Variants in LAMA1 observed in about 807,000 individuals in gnomAD.
LAMA1 encodes the protein laminin subunit alpha 1.
In LAMA1, 219 loss-of-function variants were observed where a neutral mutation model predicts 348.7. The ratio of observed to expected loss-of-function variants is 0.63; its 90% CI spans 0.56 to 0.70. The LOEUF (loss-of-function observed/expected upper bound fraction) is 0.70. Among genes scored for constraint, LAMA1 ranks in the 30% least tolerant of loss-of-function variants. The probability of loss-of-function intolerance (pLI) is 0.00; values close to 1 mark genes in which losing one functional copy is unlikely to be tolerated. For synonymous variants in LAMA1, 1,487 were observed against 1,491.0 expected (o/e 1.00, Z 0.06); for missense variants, 3,744 against 3,888.0 (o/e 0.96, Z 0.99).
intron 60 of LAMA1, among the ~76,000 whole-genome samples, chr18:6,947,773 A>T (rs1157769328): frequency 1.3e-5 from 2 of 152,120 alleles, no homozygotes; most frequent in Non-Finnish European, 2.9e-5. Flanking sequence ...TGCTTTTTTA[A>T]TTCAGGTGAT....
At chr18:7,052,736 T>C (rs541676488) in intron 3 of LAMA1, among the ~76,000 whole-genome samples, 1 of 127,578 alleles carries the variant, frequency 7.8e-6, no homozygotes, top group African/African-American at 3.0e-5. Context: ...AAAAAATAAA[T>C]AGATAGACTG....
At chr18:7,072,036 C>T (rs1483056809) in intron 3 of LAMA1, among the ~76,000 whole-genome samples, 3 of 152,106 alleles carry the variant, frequency 2.0e-5, no homozygotes, top group Non-Finnish European at 4.4e-5. Context: ...GCGATTGTTA[C>T]AGAGCGAAGA....
rs775801304 is a variant in LAMA1, at chr18:7,023,228, G to A, written c.2637C>T (p.Gly879=). The change falls in exon 19 of 63, where the codon GGC becomes GGT. Residue 879 remains glycine, a synonymous_variant. Transcript: ENST00000389658. ...CGTCAGCACACCTTTCACAGTGGGCGCCATCTGTGTTCCCCAGGCACTTCA... is the reference window on the plus strand; with the variant it reads ...CGTCAGCACACCTTTCACAGTGGGCACCATCTGTGTTCCCCAGGCACTTCA... ...ECLKCLGNTD[G]AHCERCADGF... The A allele has an allele frequency of 5.0e-6, 8 of 1,613,670 alleles. No homozygotes were observed. The highest frequency in any genetic ancestry group is 1.7e-4 in the Middle Eastern group (1 of 5,876).
chr18:7,036,225 A>G (rs1291910257), intron 12 of LAMA1, 137 bp from the exon 13 acceptor site: 2 of 717,128 alleles, frequency 2.8e-6, no homozygotes, highest in African/African-American at 3.5e-5. Flanking sequence ...AGACAAGGAA[A>G]TTCACATTAA....
chr18:7,025,631 T>C (rs2057939042), intron 17 of LAMA1, among the ~76,000 whole-genome samples: 1 of 152,196 alleles, frequency 6.6e-6, no homozygotes, highest in South Asian at 2.1e-4. Context: ...AAAAACTCCC[T>C]AAGTCGAGGG....
intron 15 of LAMA1, 59 bp downstream of exon 15, chr18:7,032,925 G>T: frequency 1.6e-6 from 2 of 1,249,160 alleles, no homozygotes; most frequent in Non-Finnish European, 2.3e-6. Flanking sequence ...CCCCTTCAGT[G>T]CACTGTTTTC....
chr18:7,113,294 CA>C (rs774247624), intron 1 of LAMA1, among the ~76,000 whole-genome samples: 1 of 152,218 alleles, frequency 6.6e-6, no homozygotes, highest in Non-Finnish European at 1.5e-5. Context: ...TAGTTAGCTA[CA>C]AATAGGTGCA....
At position 7,012,989 on chromosome 18, in the gene LAMA1, G is replaced by A. The variant is rs971315680; in HGVS notation, c.3363+826C>T. On this transcript the variant is annotated intron_variant, in intron 23 of 62. Coordinates refer to ENST00000389658, the MANE Select transcript of LAMA1 (RefSeq NM_005559.4). ...AGCCTGGCCAATATGGTGAAACCCC[G>A]TCTCTACCAAAAATACAAAAATTTA... Among the ~76,000 whole-genome samples, 4 of 151,674 alleles carry A rather than the reference G, an allele frequency of 2.6e-5. No individual in the cohort carries two copies. In the South Asian group the frequency reaches 6.3e-4, roughly 24 times the overall value.
chr18:7,011,124 G>A lies in LAMA1; in HGVS notation c.3687+176C>T, dbSNP rs375033370. 1.6e-4 allele frequency among the ~76,000 whole-genome samples: 25 copies of A among 152,238 alleles called. No homozygotes were observed. The East Asian group carries it at 3.5e-3, about 21-fold the overall frequency. ...TTTTAAAATTAATGAAAAATTTTAA[G>A]GAACCATATATTTGAGGAGACTTTT... On this transcript the variant is annotated intron_variant, in intron 25 of 62. Transcript: ENST00000389658.
At chr18:6,943,527 A>G in intron 61 of LAMA1, 125 bp from the exon 62 acceptor site, 1 of 820,814 alleles carries the variant, frequency 1.2e-6, no homozygotes, top group South Asian at 1.4e-5. Flanking sequence ...AGAAACAGAA[A>G]ATAGTTTTGA....
intron 3 of LAMA1, among the ~76,000 whole-genome samples, chr18:7,055,765 T>C: frequency 6.6e-6 from 1 of 152,102 alleles, no homozygotes; most frequent in East Asian, 1.9e-4. Flanking sequence ...TCGAAGACAA[T>C]GGCTGTTTCT....
At position 6,955,280 on chromosome 18, in the gene LAMA1, ACT is replaced by A. The variant is rs1332792883; in HGVS notation, c.8207+71_8207+72del. On this transcript the variant is annotated intron_variant, in intron 57 of 62. Transcript: ENST00000389658. ...ATAAAAGCAGGTTCTTTTGGAAAAG[ACT>A]CTGTGGCTGCAGAACACCCCCATAC... is the stretch of plus-strand genomic sequence containing the variant. 9.5e-6 allele frequency: 11 copies of A among 1,162,072 alleles called. No homozygotes were observed. In the East Asian group the frequency reaches 2.3e-4, roughly 24 times the overall value. 72.0% of individuals were successfully genotyped at this position (1,162,072 alleles called of 1,614,324 possible). A position where few individuals can be genotyped will look rare whatever the true frequency, so the allele number is the denominator to read the frequency against.
At chr18:7,004,514 G>A (rs2144102017) in intron 29 of LAMA1, among the ~76,000 whole-genome samples, 1 of 152,214 alleles carries the variant, frequency 6.6e-6, no homozygotes, top group East Asian at 1.9e-4. Context: ...CACCACGCCT[G>A]GCTAATTTTG....
intron 1 of LAMA1, among the ~76,000 whole-genome samples, chr18:7,091,123 T>C (rs1320758486): frequency 1.3e-5 from 2 of 152,232 alleles, no homozygotes; most frequent in African/African-American, 4.8e-5. Flanking sequence ...TATACAAGTT[T>C]AGTTGGCAGA....
intron 3 of LAMA1, among the ~76,000 whole-genome samples, chr18:7,068,403 G>A (rs190048310): frequency 7.4e-4 from 113 of 152,308 alleles, no homozygotes; most frequent in South Asian, 1.2e-3. Flanking sequence ...ATGTGAATCC[G>A]ATCGTTGTCT....
chr18:7,081,160 A>G (rs1200527441), intron 1 of LAMA1, among the ~76,000 whole-genome samples: 3 of 152,104 alleles, frequency 2.0e-5, no homozygotes, highest in African/African-American at 7.2e-5. Flanking sequence ...AGCCTCAAAA[A>G]CAACAACAAA....
In LAMA1 at chr18:6,983,098, C is replaced by T. The variant is rs765861194; in HGVS notation, c.5796+1G>A. ...GAAAAAGAAGCCACGTCGTTTCCTA[C>T]CAGGCTCGTCTCAGTCACAGTCCTG... is the stretch of plus-strand genomic sequence containing the variant. On this transcript the variant is annotated splice_donor_variant, in intron 40 of 62. Transcript: ENST00000389658. LOFTEE classifies it high-confidence loss of function. 2 of 1,614,024 alleles carry T rather than the reference C, an allele frequency of 1.2e-6. No homozygotes were observed. Among genetic ancestry groups the T allele is most frequent in the African/African-American group, 2.7e-5 (2 of 74,912 alleles).
Position 6,941,943 on chromosome 18 carries a change from G to A in LAMA1, c.*136C>T, listed in dbSNP as rs914681724. ...GTTGCACATGTGGTTTTAGTGTAAC[G>A]TAAACACAACATCTCTCCCCAGAAA... On this transcript the variant is annotated 3_prime_UTR_variant, in exon 63 of 63. Transcript: ENST00000389658. The A allele has an allele frequency of 5.1e-5, 56 of 1,099,800 alleles. No homozygotes were observed. Among genetic ancestry groups the A allele is most frequent in the Non-Finnish European group, 7.6e-5 (55 of 728,300 alleles). The allele number at this position is 1,099,800 out of a possible 1,614,324, so 68.1% of individuals were successfully genotyped here. A position where few individuals can be genotyped will look rare whatever the true frequency, so the allele number is the denominator to read the frequency against.
intron 1 of LAMA1, among the ~76,000 whole-genome samples, chr18:7,103,176 G>A (rs546334757): frequency 5.5e-4 from 84 of 152,302 alleles, no homozygotes; most frequent in African/African-American, 2.0e-3. Context: ...CCACCACTTT[G>A]GGAGGCCGAG....
Sources: allele counts gnomAD v4.1 joint callset (sites outside exome capture counted in the v4.1 genomes callset), GRCh38; gene constraint gnomAD v4.1.1; transcripts MANE v1.5; gene names NCBI Gene and HGNC (gene_info 2026-07-23, HGNC 2026-07-21).